PKNOX2: variants seen among roughly 807,000 people sequenced by gnomAD.
The protein encoded by PKNOX2 is PBX/knotted 1 homeobox 2, also known as homeobox protein PKNOX2.
PKNOX2 carries 14 observed loss-of-function variants against 53.1 expected under a neutral mutation model. The observed-to-expected ratio is 0.26, with a 90% confidence interval of 0.17 to 0.41. PKNOX2 has a LOEUF of 0.41. PKNOX2 is among the 10% of genes least tolerant of loss of function. The pLI is 1.00. For missense variants in PKNOX2, 496 were observed against 602.8 expected, an observed-to-expected ratio of 0.82 and a Z score of 1.85; for synonymous variants, 257 against 242.8, an observed-to-expected ratio of 1.06 and a Z score of -0.54.
At chr11:125,219,288 A>G (rs1940881440) in intron 1 of PKNOX2, among the ~76,000 whole-genome samples, 1 of 151,908 alleles carries the variant, frequency 6.6e-6, no homozygotes, top group African/African-American at 2.4e-5. Flanking sequence ...ACAAAAAAAA[A>G]TTAGCTGGAG....
chr11:125,292,661 G>A (rs573491078), intron 2 of PKNOX2, among the ~76,000 whole-genome samples: 1 of 152,308 alleles, frequency 6.6e-6, no homozygotes, highest in East Asian at 1.9e-4. Context: ...TGTGTGGGAA[G>A]GCAGCTTTCA....
At chr11:125,346,699 A>G (rs1209797535) in intron 3 of PKNOX2, among the ~76,000 whole-genome samples, 1 of 152,026 alleles carries the variant, frequency 6.6e-6, no homozygotes, top group Non-Finnish European at 1.5e-5. Flanking sequence ...GAGGACAGAC[A>G]AGAAGCATTC....
intron 1 of PKNOX2, among the ~76,000 whole-genome samples, chr11:125,189,439 G>A (rs1167853623): frequency 7.8e-4 from 44 of 56,734 alleles, no homozygotes; most frequent in African/African-American, 1.9e-3. Context: ...GTGTGTGTGT[G>A]TGTGTGTGTA....
chr11:125,420,305 A>C (rs574695145), intron 10 of PKNOX2, among the ~76,000 whole-genome samples: 1 of 151,854 alleles, frequency 6.6e-6, no homozygotes, highest in Admixed American at 6.5e-5. Flanking sequence ...AGGTGGGCAG[A>C]TCATGAGGTC....
rs546273039 is a variant in PKNOX2 at position 125,203,683 on chromosome 11, C to T, written c.-200-31362C>T. ...CTCTAGGGGCTTTTGGGAGCAGAGTCAAGCCAGGCTGAGCCCTGGATAGGG... is the reference window on the plus strand; with the variant it reads ...CTCTAGGGGCTTTTGGGAGCAGAGTTAAGCCAGGCTGAGCCCTGGATAGGG... On this transcript the variant is annotated intron_variant, in intron 1 of 12. Coordinates refer to ENST00000298282, the MANE Select transcript of PKNOX2 (RefSeq NM_001382323.2). Among the ~76,000 whole-genome samples the T allele has an allele frequency of 1.6e-4, 25 of 152,324 alleles. No homozygotes were observed. The Middle Eastern group carries it at 0.01, about 62-fold the overall frequency.
chr11:125,316,566 G>A (rs1949207879), intron 2 of PKNOX2, among the ~76,000 whole-genome samples: 1 of 152,154 alleles, frequency 6.6e-6, no homozygotes, highest in Admixed American at 6.5e-5. Context: ...AATAAAGCAA[G>A]TCACATGAAT....
intron 2 of PKNOX2, among the ~76,000 whole-genome samples, chr11:125,310,614 T>G (rs1158824853): frequency 6.6e-6 from 1 of 152,226 alleles, no homozygotes; most frequent in Non-Finnish European, 1.5e-5. Context: ...CTTGCCACTT[T>G]TTGAAAAGAG....
chr11:125,412,140 A>G (rs563567695), intron 10 of PKNOX2, among the ~76,000 whole-genome samples: 1 of 152,354 alleles, frequency 6.6e-6, no homozygotes, highest in Admixed American at 6.5e-5. Flanking sequence ...TCAAGAGTCA[A>G]GTGCTGGGCA....
At chr11:125,366,877 C>A (rs1013133203) in intron 4 of PKNOX2, among the ~76,000 whole-genome samples, 3 of 152,156 alleles carry the variant, frequency 2.0e-5, no homozygotes, top group African/African-American at 7.2e-5. Context: ...AAGCATCAAA[C>A]CTTTTTACTA....
At chr11:125,174,604 G>A (rs566983164) in intron 1 of PKNOX2, among the ~76,000 whole-genome samples, 1 of 152,186 alleles carries the variant, frequency 6.6e-6, no homozygotes, top group Non-Finnish European at 1.5e-5. Context: ...CCCAGCAGTG[G>A]GAAGGCTGTC....
intron 4 of PKNOX2, among the ~76,000 whole-genome samples, chr11:125,353,193 T>G (rs960369218): frequency 6.6e-6 from 1 of 152,174 alleles, no homozygotes; most frequent in Non-Finnish European, 1.5e-5. Flanking sequence ...TTCCTGTATT[T>G]AGCAGGTGGT....
chr11:125,199,187 C>T (rs1385282622), intron 1 of PKNOX2, among the ~76,000 whole-genome samples: 1 of 152,036 alleles, frequency 6.6e-6, no homozygotes. Context: ...CACCTGTTGC[C>T]CCAGCCCAGC....
chr11:125,389,938 C>G (rs892055089), intron 6 of PKNOX2, among the ~76,000 whole-genome samples: 2 of 152,158 alleles, frequency 1.3e-5, no homozygotes, highest in Non-Finnish European at 2.9e-5. Flanking sequence ...TCTGAAGAGG[C>G]AGGGCCAGAG....
rs1242535649 is a variant in PKNOX2, at chr11:125,367,988, A to C, written c.227+3A>C. The stretch of plus-strand genomic sequence containing the variant: ...GCTGACAAGCGAGCTGTATACAGGT[A>C]GGAGACACTTCAGCTGTGTCTACAG... On this transcript the variant is annotated splice_donor_region_variant and intron_variant, in intron 5 of 12. Coordinates refer to ENST00000298282, the MANE Select transcript of PKNOX2 (RefSeq NM_001382323.2). 1 of 1,611,560 alleles carries C rather than the reference A, an allele frequency of 6.2e-7. No individual in the cohort carries two copies. Among genetic ancestry groups the C allele is most frequent in the African/African-American group, 1.3e-5 (1 of 74,878 alleles).
At chr11:125,315,233 T>A (rs370077649) in intron 2 of PKNOX2, among the ~76,000 whole-genome samples, 215 of 129,750 alleles carry the variant, frequency 1.7e-3, no homozygotes, top group African/African-American at 6.0e-3. Context: ...GAAATCCGAA[T>A]AACTAATCAG....
intron 3 of PKNOX2, among the ~76,000 whole-genome samples, chr11:125,333,864 G>C (rs1451228786): frequency 6.6e-6 from 1 of 152,118 alleles, no homozygotes; most frequent in Non-Finnish European, 1.5e-5. Flanking sequence ...GGGTGGAGGG[G>C]GTAGCAATTA....
rs554996693 is a variant in PKNOX2, at chr11:125,230,737, T to C, written c.-200-4308T>C. On this transcript the variant is annotated intron_variant, in intron 1 of 12. Transcript: ENST00000298282. ...TCTGGATTTGCCTCTCTTTTTCCTA[T>C]TCAGTTGCAGCCATTTTTTAATTAA... Among the ~76,000 whole-genome samples, 57 of 152,320 alleles carry C rather than the reference T, an allele frequency of 3.7e-4. 2 individuals are homozygous for C. The South Asian group carries it at 0.011, about 30-fold the overall frequency.
intron 2 of PKNOX2, among the ~76,000 whole-genome samples, chr11:125,274,072 T>G (rs773199054): frequency 1.3e-5 from 2 of 152,234 alleles, no homozygotes; most frequent in Non-Finnish European, 2.9e-5. Context: ...GACCTCATAT[T>G]TATTACTTAG....
chr11:125,302,604 C>T (rs1326148613), intron 2 of PKNOX2, among the ~76,000 whole-genome samples: 1 of 152,194 alleles, frequency 6.6e-6, no homozygotes, highest in Non-Finnish European at 1.5e-5. Context: ...GTCAGGCCCT[C>T]CAGAGTATTG....
Sources: allele counts gnomAD v4.1 joint callset (sites outside exome capture counted in the v4.1 genomes callset), GRCh38; gene constraint gnomAD v4.1.1; transcripts MANE v1.5; gene names NCBI Gene and HGNC (gene_info 2026-07-23, HGNC 2026-07-21).